The following TRPC5 variants were observed in gnomAD, a reference collection of about 807,000 sequenced individuals.
TRPC5 encodes transient receptor potential cation channel subfamily C member 5, also known as short transient receptor potential channel 5.
TRPC5 carries 9 observed loss-of-function variants against 56.5 expected under a neutral mutation model. The ratio of observed to expected loss-of-function variants is 0.16; its 90% confidence interval spans 0.10 to 0.28. TRPC5 has a LOEUF of 0.28. Among genes scored for constraint, TRPC5 ranks in the 10% least tolerant of loss-of-function variants. TRPC5 has a pLI of 1.00. For missense variants in TRPC5, 469 were observed against 748.9 expected (o/e 0.63, Z 4.36); for synonymous variants, 282 against 278.5 (o/e 1.01, Z -0.13).
intron 1 of TRPC5, among the ~76,000 whole-genome samples, chrX:112,070,648 C>T (rs1930694809): frequency 9.0e-6 from 1 of 110,586 alleles, no homozygotes; most frequent in Non-Finnish European, 1.9e-5. Context: ...ATCTTCCTAC[C>T]TCATCAGGTT....
At chrX:111,859,539 G>A (rs1377418666) in intron 3 of TRPC5, among the ~76,000 whole-genome samples, 1 of 112,080 alleles carries the variant, frequency 8.9e-6, no homozygotes, top group Non-Finnish European at 1.9e-5. Context: ...ACTTGTTAAA[G>A]CCAAGCCCAG....
intron 7 of TRPC5, among the ~76,000 whole-genome samples, chrX:111,800,226 A>G (rs1206215245): frequency 9.0e-6 from 1 of 111,534 alleles, no homozygotes; most frequent in Non-Finnish European, 1.9e-5. Flanking sequence ...AGCCTACTCA[A>G]CGTGAAGATA....
At chrX:111,807,954 CTCTGTG>C (rs1412748131) in intron 7 of TRPC5, among the ~76,000 whole-genome samples, 1 of 85,407 alleles carries the variant, frequency 1.2e-5, no homozygotes, top group Non-Finnish European at 2.1e-5. Flanking sequence ...CTCTCTCTCT[CTCTGTG>C]TGTGTGTGTG....
chrX:111,797,933 G>A (rs182823179), intron 7 of TRPC5, among the ~76,000 whole-genome samples: 1 of 111,246 alleles, frequency 9.0e-6, no homozygotes, highest in Admixed American at 9.6e-5. Flanking sequence ...CTGTGTGTGA[G>A]CCCATTCATG....
rs777503770 is a variant in TRPC5, at chrX:111,782,106, C to T, written c.1929G>A (p.Arg643=). The change falls in exon 8 of 11, where the codon AGG becomes AGA. Residue 643 remains arginine (R), a synonymous_variant. Coordinates refer to ENST00000262839, the MANE Select transcript of TRPC5 (RefSeq NM_012471.3). ...CAAAGTAACTCATCCAGAGCTTCGT[C>T]CTTGCAAACTTCCACTCGATATCAG... ...DHADIEWKFA[R]TKLWMSYFDE... is the part of the protein sequence containing the mutation. 72 of 1,208,162 alleles carry T rather than the reference C, an allele frequency of 6.0e-5. No homozygotes were observed. The highest frequency in any genetic ancestry group is 7.7e-5 in the Non-Finnish European group (69 of 894,628).
chrX:111,890,431 C>T (rs1924746287), intron 3 of TRPC5, among the ~76,000 whole-genome samples: 1 of 111,918 alleles, frequency 8.9e-6, no homozygotes, highest in Admixed American at 9.4e-5. Flanking sequence ...AAACTGGATA[C>T]CCAGGCTTTA....
At chrX:111,881,035 T>C (rs1324827264) in intron 3 of TRPC5, among the ~76,000 whole-genome samples, 1 of 112,186 alleles carries the variant, frequency 8.9e-6, no homozygotes, top group Non-Finnish European at 1.9e-5. Context: ...GTGATCTCTC[T>C]TCTAAAATGC....
chrX:111,848,769 A>G (rs761607083), intron 5 of TRPC5, among the ~76,000 whole-genome samples: 49 of 112,210 alleles, frequency 4.4e-4, no homozygotes, highest in Non-Finnish European at 7.9e-4. Context: ...TTAGGCGGCC[A>G]ATCAGTTTTA....
intron 7 of TRPC5, among the ~76,000 whole-genome samples, chrX:111,795,568 G>A (rs1921058317): frequency 3.6e-5 from 4 of 110,607 alleles, no homozygotes; most frequent in African/African-American, 1.3e-4. Context: ...CATGGTTTCT[G>A]ATTAAAAAAA....
chrX:111,900,783 T>A (rs1473985741), intron 3 of TRPC5, among the ~76,000 whole-genome samples: 1 of 111,843 alleles, frequency 8.9e-6, no homozygotes, highest in Non-Finnish European at 1.9e-5. Flanking sequence ...ATGAGTGATA[T>A]CAAAATATTA....
At chrX:111,951,052 C>T (rs915707835) in intron 2 of TRPC5, among the ~76,000 whole-genome samples, 1 of 111,597 alleles carries the variant, frequency 9.0e-6, no homozygotes, top group Non-Finnish European at 1.9e-5. Flanking sequence ...ATGCCTTATT[C>T]TTGGGATATT....
intron 7 of TRPC5, among the ~76,000 whole-genome samples, chrX:111,804,258 G>A (rs1373645127): frequency 2.7e-5 from 3 of 112,031 alleles, no homozygotes; most frequent in Admixed American, 9.5e-5. Flanking sequence ...CAGTAGCCTT[G>A]TAGTATAGTT....
intron 2 of TRPC5, among the ~76,000 whole-genome samples, chrX:111,913,234 G>A (rs941239886): frequency 1.8e-5 from 2 of 111,453 alleles, no homozygotes; most frequent in African/African-American, 6.5e-5. Flanking sequence ...AGACATACTG[G>A]AGAATACAGA....
intron 1 of TRPC5, among the ~76,000 whole-genome samples, chrX:112,002,651 T>C (rs1159162699): frequency 2.7e-5 from 3 of 111,962 alleles, no homozygotes; most frequent in Non-Finnish European, 5.6e-5. Flanking sequence ...CTCTATCACA[T>C]GTAGTACCAT....
At chrX:111,836,368 C>T (rs191859278) in intron 6 of TRPC5, among the ~76,000 whole-genome samples, 98 of 111,889 alleles carry the variant, frequency 8.8e-4, no homozygotes, top group African/African-American at 3.0e-3. Flanking sequence ...CAAAATGTGT[C>T]GTTCTTAATG....
At chrX:112,057,547 C>G (rs1230081622) in intron 1 of TRPC5, among the ~76,000 whole-genome samples, 1 of 111,980 alleles carries the variant, frequency 8.9e-6, no homozygotes, top group Non-Finnish European at 1.9e-5. Context: ...ATTTTCAAAA[C>G]AGAAATGTGT....
intron 1 of TRPC5, among the ~76,000 whole-genome samples, chrX:112,053,756 AT>A (rs1441030838): frequency 8.9e-6 from 1 of 111,987 alleles, no homozygotes; most frequent in African/African-American, 3.3e-5. Context: ...GTGGAAAAAA[AT>A]GATGAGCACT....
chrX:111,997,096 A>T (rs1455636949), intron 1 of TRPC5, among the ~76,000 whole-genome samples: 1 of 111,720 alleles, frequency 9.0e-6, no homozygotes, highest in Admixed American at 9.6e-5. Flanking sequence ...CTTAGCATCG[A>T]TGCTCTTTAC....
intron 3 of TRPC5, among the ~76,000 whole-genome samples, chrX:111,861,606 A>AT (rs913238755): frequency 1.8e-5 from 2 of 110,666 alleles, no homozygotes; most frequent in South Asian, 7.6e-4. Context: ...AAACCTGTTA[A>AT]TTTTTTTTTG....
Sources: gnomAD v4.1 joint callset for allele counts (sites outside exome capture counted in the v4.1 genomes callset) on GRCh38, gnomAD v4.1.1 for gene constraint, MANE v1.5 for transcripts, NCBI Gene and HGNC (gene_info 2026-07-23, HGNC 2026-07-21) for gene names.